The following GARS1 variants were observed in gnomAD, a reference collection of about 807,000 sequenced individuals.
GARS1 encodes the protein glycine--tRNA ligase.
Under a neutral mutation model 86.4 loss-of-function variants are expected in GARS1, and 46 were observed. The observed-to-expected ratio is 0.53, with a 90% CI of 0.42 to 0.68. GARS1 has a LOEUF of 0.68. GARS1 is among the 30% of genes least tolerant of loss of function. The pLI, the probability that GARS1 is intolerant of heterozygous loss-of-function variation, is 0.00. For missense variants in GARS1, 797 were observed against 915.6 expected (o/e 0.87, Z 1.67); for synonymous variants, 342 against 329.8 (o/e 1.04, Z -0.40).
Position 30,595,083 on chromosome 7 carries a change from C to T in GARS1, c.162C>T (p.Ser54=), listed in dbSNP as rs758434035. 26 of 1,546,692 alleles carry T rather than the reference C, an allele frequency of 1.7e-5. No homozygotes were observed. Among genetic ancestry groups the T allele is most frequent in the Non-Finnish European group, 2.2e-5 (25 of 1,151,746 alleles). Residue 54 remains serine, a synonymous_variant, in exon 1 of 17, where the codon AGC becomes AGT. Coordinates refer to ENST00000389266, the MANE Select transcript of GARS1 (RefSeq NM_002047.4). The part of the protein sequence containing the change: ...ISLPAAASRS[S]MDGAGAEEVL... ...TGCCCGCCGCCGCCTCCCGGAGCAG[C>T]ATGGACGGCGCGGGGGCTGAGGAGG...
In GARS1 at chr7:30,632,495, A is replaced by C; in HGVS notation, c.2094+58A>C. On this transcript the variant is annotated intron_variant, in intron 16 of 16. Coordinates refer to ENST00000389266, the MANE Select transcript of GARS1 (RefSeq NM_002047.4). The surrounding 1 kb of genome is among the most constrained non-coding windows in gnomAD (Gnocchi z 4.1). ...TAGAAATGTGTACTGCTTCTTACTG[A>C]TTTGTGTTGGATTTTGATGTGTTTA... 1.9e-6 allele frequency: 3 copies of C among 1,558,044 alleles called. No individual in the cohort carries two copies. Among genetic ancestry groups the C allele is most frequent in the Non-Finnish European group, 2.7e-6 (3 of 1,130,284 alleles).
At position 30,632,081 on chromosome 7, in the gene GARS1, G is replaced by A. The variant is rs748320233; in HGVS notation, c.1904-166G>A. ...TGAGTGAAGATTTGGATTCCCGCAAGGGATTTATTAAACTTTAGGGATATT... is the reference window on the plus strand; with the variant it reads ...TGAGTGAAGATTTGGATTCCCGCAAAGGATTTATTAAACTTTAGGGATATT... On this transcript the variant is annotated intron_variant, in intron 15 of 16. Transcript: ENST00000389266. This position sits in a 1 kb window ranked among gnomAD's most constrained non-coding sequence, Gnocchi z 4.1. 2.0e-5 allele frequency: 14 copies of A among 695,812 alleles called. No homozygotes were observed. The highest frequency in any genetic ancestry group is 3.2e-5 in the Non-Finnish European group (13 of 401,054). 43.1% of individuals were successfully genotyped at this position (695,812 alleles called of 1,614,324 possible).
Position 30,612,162 on chromosome 7 carries a change from A to G in GARS1, c.948A>G (p.Gln316=). Reference sequence around the variant, plus strand: ...TCAAACGACTTTTGGAGTTCAACCAAGGAAAGTTGCCTTTTGCTGCTGCCC... The same window carrying G: ...TCAAACGACTTTTGGAGTTCAACCAGGGAAAGTTGCCTTTTGCTGCTGCCC... The part of the protein sequence containing the change: ...LNFKRLLEFN[Q]GKLPFAAAQI... Residue 316 remains glutamine (Q), a synonymous_variant, in exon 8 of 17, where the codon CAA becomes CAG. Coordinates refer to ENST00000389266, the MANE Select transcript of GARS1 (RefSeq NM_002047.4). 6.2e-7 allele frequency: 1 copy of G among 1,614,156 alleles called. No homozygotes were observed. The highest frequency in any genetic ancestry group is 8.5e-7 in the Non-Finnish European group (1 of 1,179,986).
Position 30,633,622 on chromosome 7 carries a change from C to G in GARS1, c.2095-113C>G. On this transcript the variant is annotated intron_variant, in intron 16 of 16. Transcript: ENST00000389266. ...TGGGCTAGAAGAGCATGAACCCATG[C>G]CTGGCATGACATTGTTTGGCTCTGT... 4 of 1,285,542 alleles carry G rather than the reference C, an allele frequency of 3.1e-6. No individual in the cohort carries two copies. In the South Asian group the frequency reaches 4.7e-5, roughly 15 times the overall value. The allele number at this position is 1,285,542 out of a possible 1,614,324, so 79.6% of individuals were successfully genotyped here.
intron 1 of GARS1, among the ~76,000 whole-genome samples, chr7:30,597,168 A>G (rs1791269514): frequency 6.6e-6 from 1 of 152,218 alleles, no homozygotes; most frequent in African/African-American, 2.4e-5. Flanking sequence ...TGATATTAAC[A>G]AACGTGGATT....
At chr7:30,614,815 G>T (rs901551043) in intron 8 of GARS1, among the ~76,000 whole-genome samples, 7 of 150,242 alleles carry the variant, frequency 4.7e-5, no homozygotes, top group Non-Finnish European at 8.8e-5. Flanking sequence ...GGCGGAGCTT[G>T]CAGTGAGCCG....
At chr7:30,613,140 C>G (rs558102628) in intron 8 of GARS1, among the ~76,000 whole-genome samples, 1 of 152,172 alleles carries the variant, frequency 6.6e-6, no homozygotes, top group Non-Finnish European at 1.5e-5. Flanking sequence ...TCCACAGCAC[C>G]TGCCTCATCT....
chr7:30,616,740 C>T (rs1340156259), intron 9 of GARS1, among the ~76,000 whole-genome samples: 1 of 152,206 alleles, frequency 6.6e-6, no homozygotes, highest in Admixed American at 6.5e-5. Flanking sequence ...TTAAAATCCC[C>T]TCAACGTGTC....
chr7:30,633,316 A>T lies in GARS1; in HGVS notation c.2095-419A>T, dbSNP rs556540007. 3.3e-5 allele frequency among the ~76,000 whole-genome samples: 5 copies of T among 152,338 alleles called. No individual in the cohort carries two copies. In the East Asian group the frequency reaches 9.6e-4, roughly 29 times the overall value. On this transcript the variant is annotated intron_variant, in intron 16 of 16. Coordinates refer to ENST00000389266, the MANE Select transcript of GARS1 (RefSeq NM_002047.4). ...GGGCAGGCAGAACTTTCTTAGTTTTAGCAAGACCTCCAGATGATTCTGACG... is the reference window on the plus strand; with the variant it reads ...GGGCAGGCAGAACTTTCTTAGTTTTTGCAAGACCTCCAGATGATTCTGACG...
intron 7 of GARS1, 108 bp downstream of exon 7, chr7:30,609,838 T>C: frequency 4.7e-6 from 4 of 860,140 alleles, no homozygotes; most frequent in Non-Finnish European, 7.6e-6. Context: ...AAAAGTGATA[T>C]ACAGAAGTAC....
rs762264480 is a variant in GARS1, at chr7:30,622,360, T to C, written c.1511T>C (p.Ile504Thr). Reference protein sequence around the residue: ...VVQFEPSKGAIGKAYKKDAKL... With the variant: ...VVQFEPSKGATGKAYKKDAKL... ...CAGTTTGAACCCAGTAAGGGAGCAATTGGTAAGGCATATAAGAAGGATGCA... is the reference window on the plus strand; with the variant it reads ...CAGTTTGAACCCAGTAAGGGAGCAACTGGTAAGGCATATAAGAAGGATGCA... The change falls in exon 12 of 17, where the codon ATT (isoleucine) becomes ACT (threonine). Residue 504 changes from isoleucine (I) to threonine (T), a missense_variant. Around this residue, in one of 2 missense-constraint regions of GARS1, gnomAD observed 598 missense variants for 738.7 expected, o/e 0.81. Transcript: ENST00000389266. 6.2e-7 allele frequency: 1 copy of C among 1,614,148 alleles called. No homozygotes were observed. The highest frequency in any genetic ancestry group is 1.1e-5 in the South Asian group (1 of 91,084).
intron 10 of GARS1, among the ~76,000 whole-genome samples, chr7:30,618,513 A>T (rs576412496): frequency 7.3e-4 from 111 of 152,142 alleles, no homozygotes; most frequent in Non-Finnish European, 1.3e-3. Flanking sequence ...ACGCCCCTGT[A>T]GTTTCAGCTA....
Position 30,595,008 on chromosome 7 carries a change from G to A in GARS1, c.87G>A (p.Ser29=), listed in dbSNP as rs772356008. Residue 29 remains serine (S), a synonymous_variant, in exon 1 of 17, where the codon TCG becomes TCA. Transcript: ENST00000389266. The part of the protein sequence containing the change: ...LLPPRLLARP[S]LLLRRSLSAA... Reference sequence around the variant, plus strand: ...CGCCCCGGCTCTTAGCCCGACCCTCGCTCCTGCTCCGCCGGTCCCTCAGCG... The same window carrying A: ...CGCCCCGGCTCTTAGCCCGACCCTCACTCCTGCTCCGCCGGTCCCTCAGCG... 6.3e-7 allele frequency: 1 copy of A among 1,583,844 alleles called. No homozygotes were observed. The highest frequency in any genetic ancestry group is 2.3e-5 in the East Asian group (1 of 44,002).
chr7:30,599,209 T>TTTTG (rs973921854), intron 2 of GARS1, among the ~76,000 whole-genome samples: 8 of 152,314 alleles, frequency 5.3e-5, no homozygotes, highest in Non-Finnish European at 1.0e-4. Context: ...AAATAATGAT[T>TTTTG]TTTGTTTGTT....
intron 2 of GARS1, 47 bp from the exon 3 acceptor site, chr7:30,599,900 T>TTGGGG: frequency 8.3e-7 from 1 of 1,198,666 alleles, no homozygotes; most frequent in Non-Finnish European, 1.2e-6. Context: ...AAGTTCAGAT[T>TTGGGG]CCCACCCACC....
At chr7:30,602,347 G>C (rs945804928) in intron 4 of GARS1, among the ~76,000 whole-genome samples, 5 of 152,210 alleles carry the variant, frequency 3.3e-5, no homozygotes, top group African/African-American at 1.2e-4. Context: ...AAAGTGCTGG[G>C]ATTACAGGCG....
At chr7:30,601,258 T>C in intron 4 of GARS1, 58 bp downstream of exon 4, 3 of 1,370,394 alleles carry the variant, frequency 2.2e-6, no homozygotes, top group Non-Finnish European at 3.0e-6. Context: ...CTTATTAAAT[T>C]ATTTAATATA....
rs1263949301 is a variant in GARS1 at position 30,594,878 on chromosome 7, G to C, written c.-44G>C. On this transcript the variant is annotated 5_prime_UTR_variant, in exon 1 of 17. Coordinates refer to ENST00000389266, the MANE Select transcript of GARS1 (RefSeq NM_002047.4). ...TGCTCCGAGCCGGGCGGCGCGCGCC[G>C]CTTCCGTCGCCACCCTCTCTGGACA... The C allele has an allele frequency of 3.4e-6, 5 of 1,478,312 alleles. No homozygotes were observed. The highest frequency in any genetic ancestry group is 2.0e-5 in the Admixed American group (1 of 50,506). 91.6% of individuals were successfully genotyped at this position (1,478,312 alleles called of 1,614,324 possible).
rs973921854 is a variant in GARS1 at position 30,599,209 on chromosome 7, TTTTG to T, written c.324+328_324+331del. ...TTCTCTTATGCCTGAAAATAATGAT[TTTTG>T]TTTGTTTGTTTGTTTTAAGGAAAAG... On this transcript the variant is annotated intron_variant, in intron 2 of 16. Transcript: ENST00000389266. Among the ~76,000 whole-genome samples, 11 of 152,314 alleles carry T rather than the reference TTTTG, an allele frequency of 7.2e-5. No homozygotes were observed. In the South Asian group the frequency reaches 1.9e-3, roughly 26 times the overall value.
Sources: allele counts gnomAD v4.1 joint callset (sites outside exome capture counted in the v4.1 genomes callset), GRCh38; gene constraint gnomAD v4.1.1; regional missense constraint gnomAD v4.1.1; non-coding constraint Gnocchi (gnomAD v3.1); transcripts MANE v1.5; gene names NCBI Gene and HGNC (gene_info 2026-07-23, HGNC 2026-07-21).